Variants in GTF2H1 observed in about 807,000 individuals in gnomAD.
GTF2H1 encodes BTF2 p62.
A neutral mutation model predicts 71.2 loss-of-function variants in GTF2H1; 16 were observed. The ratio of observed to expected loss-of-function variants is 0.22; its 90% confidence interval spans 0.15 to 0.34. The LOEUF is 0.34. Among genes scored for constraint, GTF2H1 ranks in the 10% least tolerant of loss-of-function variants. GTF2H1 has a pLI of 1.00. For synonymous variants in GTF2H1, 215 were observed against 219.0 expected, an observed-to-expected ratio of 0.98 and a Z score of 0.16; for missense variants, 498 against 648.2, an observed-to-expected ratio of 0.77 and a Z score of 2.52.
chr11:18,363,199 G>T (rs559512899), intron 14 of GTF2H1, among the ~76,000 whole-genome samples: 1 of 152,118 alleles, frequency 6.6e-6, no homozygotes, highest in African/African-American at 2.4e-5. Context: ...CCTGCGTACG[G>T]CTATTTTACA....
intron 3 of GTF2H1, among the ~76,000 whole-genome samples, chr11:18,337,384 G>A (rs1423820706): frequency 6.6e-5 from 10 of 152,158 alleles, no homozygotes; most frequent in Admixed American, 3.3e-4. Flanking sequence ...GGCAAAGGCT[G>A]CAGTGAGCTG....
chr11:18,362,004 G>A (rs1357757592), intron 14 of GTF2H1, among the ~76,000 whole-genome samples: 1 of 152,220 alleles, frequency 6.6e-6, no homozygotes, highest in Non-Finnish European at 1.5e-5. Flanking sequence ...GAATAGTACA[G>A]TCACGTGTTG....
chr11:18,333,487 C>T (rs1489430908), intron 2 of GTF2H1: 1 of 260,462 alleles, frequency 3.8e-6, no homozygotes, highest in Non-Finnish European at 7.2e-6. Context: ...TAATACTCCA[C>T]TAAATGAATA....
At chr11:18,325,768 A>G (rs1270911313) in intron 1 of GTF2H1, among the ~76,000 whole-genome samples, 1 of 152,246 alleles carries the variant, frequency 6.6e-6, no homozygotes, top group Non-Finnish European at 1.5e-5. Context: ...TTAGATTCGG[A>G]CAAATACATT....
chr11:18,351,343 G>A (rs1329434188), intron 9 of GTF2H1, among the ~76,000 whole-genome samples: 3 of 149,558 alleles, frequency 2.0e-5, no homozygotes, highest in Admixed American at 6.7e-5. Context: ...ACGCAGTGGC[G>A]TGATCTCAGC....
chr11:18,324,740 A>G (rs1864721118), intron 1 of GTF2H1, among the ~76,000 whole-genome samples: 1 of 151,858 alleles, frequency 6.6e-6, no homozygotes. Context: ...TCCTCTTTTC[A>G]CCACTTTGAT....
chr11:18,339,936 C>A (rs1219720018), intron 5 of GTF2H1, among the ~76,000 whole-genome samples: 1 of 152,166 alleles, frequency 6.6e-6, no homozygotes, highest in African/African-American at 2.4e-5. Flanking sequence ...CAAATTACTT[C>A]CCGTGCAGAT....
Position 18,352,326 on chromosome 11 carries a change from C to T in GTF2H1, c.1143-3C>T. 8.1e-7 allele frequency: 1 copy of T among 1,228,754 alleles called. No homozygotes were observed. The highest frequency in any genetic ancestry group is 1.2e-5 in the South Asian group (1 of 82,070). 76.1% of individuals were successfully genotyped at this position (1,228,754 alleles called of 1,614,324 possible). On this transcript the variant is annotated splice_region_variant and splice_polypyrimidine_tract_variant and intron_variant, in intron 10 of 14. Transcript: ENST00000265963. ...TAGTAATTTCTTCTGTGCTAACCTG[C>T]AGGTATTATCATGGTCCAACTCCAA...
At chr11:18,363,254 G>T (rs1487865842) in intron 14 of GTF2H1, among the ~76,000 whole-genome samples, 5 of 152,096 alleles carry the variant, frequency 3.3e-5, no homozygotes, top group Non-Finnish European at 5.9e-5. Flanking sequence ...CGTAAATAAT[G>T]ATTTTAAAAT....
intron 7 of GTF2H1, among the ~76,000 whole-genome samples, chr11:18,345,335 T>C (rs1225828590): frequency 6.6e-6 from 1 of 152,148 alleles, no homozygotes; most frequent in Non-Finnish European, 1.5e-5. Flanking sequence ...TTTCAAAAAA[T>C]ATTGTGTTTA....
chr11:18,335,351 G>T (rs911488165), intron 2 of GTF2H1, among the ~76,000 whole-genome samples: 2 of 152,124 alleles, frequency 1.3e-5, no homozygotes, highest in Non-Finnish European at 2.9e-5. Context: ...GCCATGGGCC[G>T]CATTTTGCAG....
intron 11 of GTF2H1, among the ~76,000 whole-genome samples, chr11:18,355,837 G>A (rs889248278): frequency 6.6e-6 from 1 of 152,118 alleles, no homozygotes; most frequent in African/African-American, 2.4e-5. Context: ...ATGCTGTTGT[G>A]TAGCCACCAA....
chr11:18,361,064 A>C (rs1865684949), intron 14 of GTF2H1, among the ~76,000 whole-genome samples: 1 of 151,984 alleles, frequency 6.6e-6, no homozygotes, highest in African/African-American at 2.4e-5. Context: ...TGGCCTCCCA[A>C]AGTGCTAGGA....
chr11:18,334,902 A>G (rs980196806), intron 2 of GTF2H1, among the ~76,000 whole-genome samples: 7 of 152,054 alleles, frequency 4.6e-5, no homozygotes, highest in Admixed American at 1.3e-4. Context: ...CCATTGTTAC[A>G]TTTCCATTGG....
intron 9 of GTF2H1, among the ~76,000 whole-genome samples, chr11:18,349,305 G>A (rs1439935089): frequency 2.0e-5 from 3 of 152,192 alleles, no homozygotes; most frequent in African/African-American, 7.2e-5. Flanking sequence ...TTATAGAGAA[G>A]TTAGAGAAGA....
rs975826856 is a variant in GTF2H1, at chr11:18,366,903, A to G, written c.*1034A>G. The G allele has an allele frequency of 2.0e-5, 3 of 152,026 alleles. No homozygotes were observed. Among genetic ancestry groups the G allele is most frequent in the African/African-American group, 7.2e-5 (3 of 41,408 alleles). The allele number at this position is 152,026 out of a possible 1,614,324, so 9.4% of individuals were successfully genotyped here. A position where few individuals can be genotyped will look rare whatever the true frequency, so the allele number is the denominator to read the frequency against. The stretch of plus-strand genomic sequence containing the variant: ...CTGAAAAGCCTAAGTGCAAAAAAAA[A>G]AAAAAAAGATGTTCTTGTTTCTGAA... On this transcript the variant is annotated 3_prime_UTR_variant, in exon 15 of 15. Transcript: ENST00000265963.
intron 1 of GTF2H1, among the ~76,000 whole-genome samples, chr11:18,329,065 T>TA (rs994088411): frequency 6.6e-6 from 1 of 152,126 alleles, no homozygotes; most frequent in Non-Finnish European, 1.5e-5. Flanking sequence ...CAGTGGTGAG[T>TA]AAAAATCACA....
At chr11:18,353,213 G>A (rs1181989982) in intron 11 of GTF2H1, among the ~76,000 whole-genome samples, 2 of 152,194 alleles carry the variant, frequency 1.3e-5, no homozygotes, top group Non-Finnish European at 2.9e-5. Context: ...CGACAAGAGC[G>A]AAGCTCCATC....
chr11:18,348,050 A>G (rs1865339000), intron 9 of GTF2H1, 131 bp downstream of exon 9: 1 of 731,458 alleles, frequency 1.4e-6, no homozygotes, highest in Non-Finnish European at 2.5e-6. Flanking sequence ...TTTGGCTTAA[A>G]GTGTATAGCA....
Sources: allele counts gnomAD v4.1 joint callset (sites outside exome capture counted in the v4.1 genomes callset), GRCh38; gene constraint gnomAD v4.1.1; transcripts MANE v1.5; gene names NCBI Gene and HGNC (gene_info 2026-07-23, HGNC 2026-07-21).